Variants in PSTPIP1 observed in about 807,000 individuals in gnomAD.
The protein encoded by PSTPIP1 is proline-serine-threonine phosphatase-interacting protein 1.
Under a neutral mutation model 69.6 loss-of-function variants are expected in PSTPIP1, and 66 were observed. The ratio of observed to expected loss-of-function variants is 0.95; its 90% CI spans 0.78 to 1.16. The LOEUF (loss-of-function observed/expected upper bound fraction) is 1.16. PSTPIP1 is among the 50% of genes most tolerant of loss of function. The pLI is 0.00. For synonymous variants in PSTPIP1, 266 were observed against 222.7 expected (o/e 1.19, Z -1.73); for missense variants, 603 against 557.4 (o/e 1.08, Z -0.82).
intron 1 of PSTPIP1, among the ~76,000 whole-genome samples, chr15:77,012,659 G>C (rs958713561): frequency 6.6e-6 from 1 of 152,206 alleles, no homozygotes; most frequent in Non-Finnish European, 1.5e-5. Flanking sequence ...AAGGAGCCTG[G>C]TTGCTACCCA....
intron 1 of PSTPIP1, among the ~76,000 whole-genome samples, chr15:77,012,558 C>A (rs1300862500): frequency 1.3e-5 from 2 of 152,044 alleles, no homozygotes; most frequent in Non-Finnish European, 2.9e-5. Context: ...TCAAGTTGTA[C>A]CTGAGTGTTT....
chr15:77,031,154 G>A (rs373179590), intron 9 of PSTPIP1, 26 bp from the exon 10 acceptor site: 62 of 1,604,960 alleles, frequency 3.9e-5, no homozygotes, highest in Middle Eastern at 3.3e-4. Flanking sequence ...CCTCCTCACT[G>A]CTCACCTCCC....
At position 77,018,163 on chromosome 15, in the gene PSTPIP1, G is replaced by A; in HGVS notation, c.52G>A (p.Ala18Thr). The change falls in exon 2 of 15, where the codon GCC becomes ACC. Residue 18 changes from alanine (A) to threonine (T), a missense_variant. Ala to Thr is a moderately conservative substitution (Grantham distance 58). Transcript: ENST00000558012. The part of the protein sequence containing the change: ...KDAFWCRDFT[A>T]HTGYEVLLQR... ...TGTGTCACAGTGCAGGGACTTCACAGCCCACACGGGCTACGAGGTGCTGCT... is the reference window on the plus strand; with the variant it reads ...TGTGTCACAGTGCAGGGACTTCACAACCCACACGGGCTACGAGGTGCTGCT... The A allele has an allele frequency of 6.3e-7, 1 of 1,584,024 alleles. No homozygotes were observed. The highest frequency in any genetic ancestry group is 1.2e-5 in the South Asian group (1 of 86,348).
chr15:77,027,164 C>A lies in PSTPIP1; in HGVS notation c.355-688C>A, dbSNP rs927724099. 6.6e-6 allele frequency among the ~76,000 whole-genome samples: 1 copy of A among 152,218 alleles called. No homozygotes were observed. Among genetic ancestry groups the A allele is most frequent in the African/African-American group, 2.4e-5 (1 of 41,440 alleles). On this transcript the variant is annotated intron_variant, in intron 5 of 14. Transcript: ENST00000558012. The surrounding 1 kb of genome is among the most constrained non-coding windows in gnomAD (Gnocchi z 4.3). ...TGCCTCGCTGGTCTCCCAGCTGGCA[C>A]AGAACCCCTCCCCTGAGACCCCAGG...
chr15:76,995,418 G>C lies in PSTPIP1; in HGVS notation c.-156G>C. 6.7e-7 allele frequency: 1 copy of C among 1,490,760 alleles called. No homozygotes were observed. Among genetic ancestry groups the C allele is most frequent in the South Asian group, 1.3e-5 (1 of 76,192 alleles). The allele number at this position is 1,490,760 out of a possible 1,614,324, so 92.3% of individuals were successfully genotyped here. A position where few individuals can be genotyped will look rare whatever the true frequency, so the allele number is the denominator to read the frequency against. On this transcript the variant is annotated 5_prime_UTR_variant, in exon 1 of 15. Coordinates refer to ENST00000558012, the MANE Select transcript of PSTPIP1 (RefSeq NM_003978.5). Reference sequence around the variant, plus strand: ...TCCTCCCCTCAGAAGCTCCTCTCTGGCTCGTGGCTGCCTTCTGAGTGTTGC... The same window carrying C: ...TCCTCCCCTCAGAAGCTCCTCTCTGCCTCGTGGCTGCCTTCTGAGTGTTGC...
intron 1 of PSTPIP1, among the ~76,000 whole-genome samples, chr15:76,999,213 T>A (rs1450243387): frequency 6.6e-6 from 1 of 152,098 alleles, no homozygotes. Context: ...GTTCATAGAA[T>A]AAATGAATGG....
intron 10 of PSTPIP1, chr15:77,031,525 A>G (rs2076417121): frequency 2.5e-6 from 1 of 397,520 alleles, no homozygotes; most frequent in African/African-American, 2.1e-5. Context: ...CTTCCTCCTT[A>G]TGCCTCAGAG....
In PSTPIP1 at chr15:77,035,526, C is replaced by T. The variant is rs1386946850; in HGVS notation, c.948C>T (p.His316=). ...TTCCCAGGTTCTCTGGACTGCTGCA[C>T]GGAAGTCCCAAGACCACTTCGTTGG... The part of the protein sequence containing the change: ...GMIKRFSGLL[H]GSPKTTSLAA... The change falls in exon 13 of 15, where the codon CAC becomes CAT. Residue 316 remains histidine, a synonymous_variant. Coordinates refer to ENST00000558012, the MANE Select transcript of PSTPIP1 (RefSeq NM_003978.5). The T allele has an allele frequency of 2.9e-5, 46 of 1,592,552 alleles. No homozygotes were observed. The highest frequency in any genetic ancestry group is 5.7e-5 in the South Asian group (5 of 87,880).
At chr15:77,003,918 G>A (rs1488041431) in intron 1 of PSTPIP1, among the ~76,000 whole-genome samples, 1 of 152,146 alleles carries the variant, frequency 6.6e-6, no homozygotes, top group Non-Finnish European at 1.5e-5. Context: ...ATTTATAATT[G>A]GATATGCACC....
At chr15:77,002,197 G>A (rs866198429) in intron 1 of PSTPIP1, among the ~76,000 whole-genome samples, 4 of 152,330 alleles carry the variant, frequency 2.6e-5, no homozygotes, top group Middle Eastern at 3.4e-3. Context: ...GGCACGGCAG[G>A]TCTAGGCCCA....
intron 12 of PSTPIP1, among the ~76,000 whole-genome samples, chr15:77,033,721 C>A (rs1454483503): frequency 3.9e-5 from 6 of 152,232 alleles, no homozygotes; most frequent in Admixed American, 6.5e-5. Context: ...CAGTTCCCGG[C>A]CCTTCCCAAG....
chr15:77,015,327 T>C (rs569467801), intron 1 of PSTPIP1, among the ~76,000 whole-genome samples: 5 of 152,292 alleles, frequency 3.3e-5, no homozygotes, highest in South Asian at 4.1e-4. Flanking sequence ...CCTTTACCCA[T>C]TGAGTGGCTT....
chr15:76,996,557 C>T (rs1027967239), intron 1 of PSTPIP1, among the ~76,000 whole-genome samples: 2 of 152,216 alleles, frequency 1.3e-5, no homozygotes, highest in African/African-American at 2.4e-5. Context: ...CTGCCCTCCC[C>T]GGGCCTTTTC....
In PSTPIP1 at chr15:77,018,549, C is replaced by T; in HGVS notation, c.212+18C>T. 6.5e-7 allele frequency: 1 copy of T among 1,543,784 alleles called. No individual in the cohort carries two copies. The highest frequency in any genetic ancestry group is 1.2e-5 in the South Asian group (1 of 83,124). ...GAGATCAAGTAAGATCTCCCGGGCC[C>T]TGGGGCTCACTCCTCTCCTCTGCTG... On this transcript the variant is annotated intron_variant, in intron 3 of 14. Transcript: ENST00000558012.
chr15:77,003,469 C>A (rs544973217), intron 1 of PSTPIP1, among the ~76,000 whole-genome samples: 1 of 152,224 alleles, frequency 6.6e-6, no homozygotes, highest in South Asian at 2.1e-4. Context: ...GCCTGGCCAC[C>A]ATGGTGAAAC....
intron 1 of PSTPIP1, among the ~76,000 whole-genome samples, chr15:77,006,068 T>C (rs1303635412): frequency 6.6e-6 from 1 of 152,248 alleles, no homozygotes; most frequent in Non-Finnish European, 1.5e-5. Context: ...CAAACAGTTT[T>C]ACATTCCCAT....
chr15:77,019,587 T>C (rs1191385919), intron 3 of PSTPIP1, among the ~76,000 whole-genome samples: 1 of 152,230 alleles, frequency 6.6e-6, no homozygotes, highest in Non-Finnish European at 1.5e-5. Context: ...CGGAGGGCTC[T>C]GAGGAGCCCT....
At chr15:77,036,596 T>A (rs1455492527) in intron 14 of PSTPIP1, among the ~76,000 whole-genome samples, 1 of 152,008 alleles carries the variant, frequency 6.6e-6, no homozygotes, top group Non-Finnish European at 1.5e-5. Flanking sequence ...GCAGGCTGGG[T>A]GTGGACTCCA....
chr15:77,017,907 G>A (rs1413101373), intron 1 of PSTPIP1, among the ~76,000 whole-genome samples: 3 of 152,208 alleles, frequency 2.0e-5, no homozygotes, highest in African/African-American at 4.8e-5. Flanking sequence ...TGCCAGGCCC[G>A]GCACCCCCGG....
Sources: gnomAD v4.1 joint callset for allele counts (sites outside exome capture counted in the v4.1 genomes callset) on GRCh38, gnomAD v4.1.1 for gene constraint, Gnocchi (gnomAD v3.1) non-coding constraint, MANE v1.5 for transcripts, NCBI Gene and HGNC (gene_info 2026-07-23, HGNC 2026-07-21) for gene names.